PLXDC2: variants seen among roughly 807,000 people sequenced by gnomAD.
PLXDC2 encodes plexin domain containing 2.
PLXDC2 carries 40 observed loss-of-function variants against 68.9 expected under a neutral mutation model. The ratio of observed to expected loss-of-function variants is 0.58; its 90% CI spans 0.45 to 0.76. The LOEUF (loss-of-function observed/expected upper bound fraction) is 0.76, where lower values mean the gene tolerates loss of function less well. Among genes scored for constraint, PLXDC2 ranks in the 30% least tolerant of loss-of-function variants. The pLI, the probability that PLXDC2 is intolerant of heterozygous loss-of-function variation, is 0.00. For missense variants in PLXDC2, 644 were observed against 661.9 expected (o/e 0.97, Z 0.30); for synonymous variants, 243 against 234.2 (o/e 1.04, Z -0.34).
chr10:20,222,945 CA>C (rs1284284307), intron 12 of PLXDC2, among the ~76,000 whole-genome samples: 1 of 152,054 alleles, frequency 6.6e-6, no homozygotes, highest in African/African-American at 2.4e-5. Context: ...TAGGTATAAT[CA>C]GATAGTTTAT....
chr10:20,040,912 C>G (rs1205794913), intron 2 of PLXDC2, among the ~76,000 whole-genome samples: 1 of 152,092 alleles, frequency 6.6e-6, no homozygotes, highest in Non-Finnish European at 1.5e-5. Context: ...ATTTTTAAAA[C>G]TTTATTTTTG....
chr10:19,986,158 A>G (rs146370019), intron 1 of PLXDC2, among the ~76,000 whole-genome samples: 1 of 152,146 alleles, frequency 6.6e-6, no homozygotes, highest in African/African-American at 2.4e-5. Flanking sequence ...CACAAACAGG[A>G]ACTTAGGCAT....
chr10:20,010,817 C>T (rs1416405611), intron 2 of PLXDC2, among the ~76,000 whole-genome samples: 1 of 152,144 alleles, frequency 6.6e-6, no homozygotes, highest in East Asian at 1.9e-4. Context: ...ATTATATGAT[C>T]ATCACATCCA....
rs182602654 is a variant in PLXDC2, at chr10:20,279,669, C to T, written c.1474-34C>T. ...TTCTGGTGCTAGAATCTTACCCTGA[C>T]GCACATTTTTTATTTTTGTGTTTTC... is the stretch of plus-strand genomic sequence containing the variant. On this transcript the variant is annotated intron_variant, in intron 13 of 13. Transcript: ENST00000377252. 1.1e-4 allele frequency: 170 copies of T among 1,552,628 alleles called. 1 individual carries two copies. Among genetic ancestry groups the T allele is most frequent in the Admixed American group, 2.2e-4 (13 of 59,502 alleles).
At chr10:19,907,591 C>A (rs1160283517) in intron 1 of PLXDC2, among the ~76,000 whole-genome samples, 1 of 152,186 alleles carries the variant, frequency 6.6e-6, no homozygotes, top group Non-Finnish European at 1.5e-5. Flanking sequence ...AAAGCAATGG[C>A]AACATACCAT....
At chr10:19,952,980 T>A (rs1033861418) in intron 1 of PLXDC2, among the ~76,000 whole-genome samples, 1 of 152,112 alleles carries the variant, frequency 6.6e-6, no homozygotes, top group Non-Finnish European at 1.5e-5. Flanking sequence ...TTCTCCTGCC[T>A]CAGCCTCCTA....
At chr10:20,020,738 C>G (rs544013565) in intron 2 of PLXDC2, among the ~76,000 whole-genome samples, 13 of 152,278 alleles carry the variant, frequency 8.5e-5, no homozygotes, top group Admixed American at 5.9e-4. Flanking sequence ...GAACTACTCA[C>G]AGTTGCATAT....
chr10:19,887,687 T>A (rs1344690659), intron 1 of PLXDC2, among the ~76,000 whole-genome samples: 1 of 152,228 alleles, frequency 6.6e-6, no homozygotes, highest in Non-Finnish European at 1.5e-5. Context: ...ATGTATTTCC[T>A]GTTGATCAAC....
chr10:20,119,415 G>C (rs1833665659), intron 4 of PLXDC2, among the ~76,000 whole-genome samples: 2 of 151,808 alleles, frequency 1.3e-5, no homozygotes, highest in African/African-American at 4.8e-5. Context: ...CTCAGTGGGG[G>C]AGCTTGTGAG....
intron 1 of PLXDC2, among the ~76,000 whole-genome samples, chr10:19,975,286 C>G (rs1834431156): frequency 6.6e-6 from 1 of 151,810 alleles, no homozygotes; most frequent in Non-Finnish European, 1.5e-5. Context: ...AACCCCGTCT[C>G]TACTAAAAAA....
intron 2 of PLXDC2, among the ~76,000 whole-genome samples, chr10:20,024,642 G>A (rs1433516837): frequency 6.6e-6 from 1 of 151,964 alleles, no homozygotes; most frequent in Non-Finnish European, 1.5e-5. Context: ...GTGCAGGTTT[G>A]TTACCTGGAT....
intron 3 of PLXDC2, among the ~76,000 whole-genome samples, chr10:20,051,530 A>G (rs1564297068): frequency 6.7e-6 from 1 of 150,200 alleles, no homozygotes; most frequent in Non-Finnish European, 1.5e-5. Context: ...TATAAACCCT[A>G]TTTTTAATAC....
At chr10:19,818,220 C>A (rs1836392141) in intron 1 of PLXDC2, among the ~76,000 whole-genome samples, 1 of 136,338 alleles carries the variant, frequency 7.3e-6, no homozygotes, top group African/African-American at 2.8e-5. Context: ...TCAATTTGTT[C>A]TTTTCTGGTG....
chr10:20,020,178 A>ATTTTTTTTTTTTTTTTTTTTTT (rs71388889), intron 2 of PLXDC2, among the ~76,000 whole-genome samples: 1 of 107,354 alleles, frequency 9.3e-6, no homozygotes, highest in African/African-American at 4.1e-5. Context: ...CACCCAGCAA[A>ATTTTTTTTTTTTTTTTTTTTTT]TTTTTTTTTT....
At chr10:19,829,522 G>A (rs1006427698) in intron 1 of PLXDC2, among the ~76,000 whole-genome samples, 2 of 152,028 alleles carry the variant, frequency 1.3e-5, no homozygotes, top group African/African-American at 2.4e-5. Flanking sequence ...GGCCAGGCAC[G>A]GGGGCTCATG....
chr10:19,895,288 G>C (rs1024984312), intron 1 of PLXDC2, among the ~76,000 whole-genome samples: 1 of 152,096 alleles, frequency 6.6e-6, no homozygotes, highest in East Asian at 1.9e-4. Flanking sequence ...CTTCAAGACA[G>C]GTAAAGAGGA....
At chr10:20,214,420 G>A (rs1231283482) in intron 10 of PLXDC2, among the ~76,000 whole-genome samples, 2 of 151,900 alleles carry the variant, frequency 1.3e-5, no homozygotes, top group African/African-American at 2.4e-5. Context: ...CTAATGTGAG[G>A]AGGAGAAGTT....
rs188604829 is a variant in PLXDC2, at chr10:19,866,497, G to A, written c.112+49306G>A. Among the ~76,000 whole-genome samples the A allele has an allele frequency of 1.4e-4, 21 of 152,256 alleles. 1 individual carries two copies. In the East Asian group the frequency reaches 3.7e-3, roughly 27 times the overall value. ...CCTTGTGATTACACTAGGCCCACAT[G>A]GATAATTGAGGATAGTCTCCCTATC... On this transcript the variant is annotated intron_variant, in intron 1 of 13. Transcript: ENST00000377252.
intron 1 of PLXDC2, among the ~76,000 whole-genome samples, chr10:19,892,650 G>T (rs1322511751): frequency 1.3e-5 from 2 of 152,168 alleles, no homozygotes; most frequent in Non-Finnish European, 2.9e-5. Flanking sequence ...TAGTAGAATT[G>T]TATTTAAAGG....
Sources: gnomAD v4.1 joint callset for allele counts (sites outside exome capture counted in the v4.1 genomes callset) on GRCh38, gnomAD v4.1.1 for gene constraint, MANE v1.5 for transcripts, NCBI Gene and HGNC (gene_info 2026-07-23, HGNC 2026-07-21) for gene names.